PACRG: variants seen among roughly 807,000 people sequenced by gnomAD.
PACRG encodes the protein parkin coregulated, also known as parkin coregulated gene protein.
PACRG carries 29 observed loss-of-function variants against 29.7 expected under a neutral mutation model. The observed-to-expected ratio is 0.98, with a 90% CI of 0.73 to 1.33. The LOEUF is 1.33. Among genes scored for constraint, PACRG ranks in the 40% most tolerant of loss-of-function variants. The pLI is 0.00. For missense variants in PACRG, 279 were observed against 316.2 expected (o/e 0.88, Z 0.89); for synonymous variants, 116 against 118.7 (o/e 0.98, Z 0.15).
chr6:163,269,752 G>A (rs1783663376), intron 4 of PACRG, among the ~76,000 whole-genome samples: 1 of 78,982 alleles, frequency 1.3e-5, no homozygotes, highest in South Asian at 3.9e-4. Context: ...AAAGAAGAAA[G>A]AGAGAGAGAG....
intron 2 of PACRG, among the ~76,000 whole-genome samples, chr6:163,039,665 T>C (rs1404382539): frequency 1.3e-5 from 2 of 152,172 alleles, no homozygotes; most frequent in African/African-American, 4.8e-5. Flanking sequence ...ACTGGCAGCA[T>C]TTTGCCCCTG....
At chr6:162,731,236 T>G (rs1486734824) in intron 1 of PACRG, among the ~76,000 whole-genome samples, 1 of 152,166 alleles carries the variant, frequency 6.6e-6, no homozygotes, top group Non-Finnish European at 1.5e-5. Flanking sequence ...AAAACTCTTT[T>G]GAGCATTTTG....
chr6:162,762,132 A>G (rs1461316236), intron 1 of PACRG, among the ~76,000 whole-genome samples: 2 of 152,116 alleles, frequency 1.3e-5, no homozygotes, highest in African/African-American at 2.4e-5. Context: ...TAGGTTCTCA[A>G]TAAATAATAA....
At chr6:162,946,847 A>G (rs965967577) in intron 2 of PACRG, among the ~76,000 whole-genome samples, 2 of 152,190 alleles carry the variant, frequency 1.3e-5, no homozygotes, top group East Asian at 1.9e-4. Flanking sequence ...AACATGATAC[A>G]TCAAATCAAC....
intron 4 of PACRG, among the ~76,000 whole-genome samples, chr6:163,161,887 G>A (rs1778571445): frequency 2.0e-5 from 3 of 152,180 alleles, no homozygotes. Flanking sequence ...GATTGAAATT[G>A]TAGGCATGTG....
At chr6:162,915,568 G>A (rs141384817) in intron 2 of PACRG, among the ~76,000 whole-genome samples, 64 of 151,936 alleles carry the variant, frequency 4.2e-4, no homozygotes, top group African/African-American at 1.4e-3. Flanking sequence ...TTTATTATGC[G>A]TTTTCTCTTT....
intron 1 of PACRG, among the ~76,000 whole-genome samples, chr6:162,763,381 T>C (rs1365132302): frequency 6.6e-6 from 1 of 152,212 alleles, no homozygotes; most frequent in Non-Finnish European, 1.5e-5. Flanking sequence ...GGCTCTGATA[T>C]AAAACCTAAT....
At chr6:163,177,737 T>TTTTTTTTTTTTTTTGG (rs1779447560) in intron 4 of PACRG, among the ~76,000 whole-genome samples, 1 of 141,880 alleles carries the variant, frequency 7.0e-6, no homozygotes, top group South Asian at 2.3e-4. Flanking sequence ...TTTTTTTTTT[T>TTTTTTTTTTTTTTTGG]GCGGGTGGGA....
intron 2 of PACRG, among the ~76,000 whole-genome samples, chr6:162,936,177 A>G (rs1798221273): frequency 6.6e-6 from 1 of 152,152 alleles, no homozygotes; most frequent in African/African-American, 2.4e-5. Context: ...ATTCACTACC[A>G]TGAAAACAGT....
At chr6:163,007,017 T>A (rs1476369909) in intron 2 of PACRG, among the ~76,000 whole-genome samples, 1 of 152,104 alleles carries the variant, frequency 6.6e-6, no homozygotes, top group Admixed American at 6.5e-5. Flanking sequence ...TTTGTTAAAA[T>A]CTTCTGTTGG....
intron 2 of PACRG, among the ~76,000 whole-genome samples, chr6:162,816,346 TTTTTA>T (rs1002959215): frequency 1.3e-5 from 2 of 152,088 alleles, no homozygotes; most frequent in African/African-American, 2.4e-5. Flanking sequence ...TTAAGATTAT[TTTTTA>T]TTTTATTTAT....
chr6:163,281,106 G>A (rs879576965), intron 4 of PACRG, among the ~76,000 whole-genome samples: 2 of 152,074 alleles, frequency 1.3e-5, no homozygotes, highest in Non-Finnish European at 2.9e-5. Flanking sequence ...AGAAGCCAGT[G>A]CAAGCACAAG....
intron 1 of PACRG, among the ~76,000 whole-genome samples, chr6:162,768,465 CATT>C (rs972137853): frequency 2.6e-5 from 4 of 151,936 alleles, no homozygotes; most frequent in African/African-American, 4.8e-5. Context: ...ACATTAGAAA[CATT>C]ATTTATTGCA....
chr6:162,876,762 T>C (rs1793389524), intron 2 of PACRG, among the ~76,000 whole-genome samples: 1 of 152,222 alleles, frequency 6.6e-6, no homozygotes, highest in Admixed American at 6.5e-5. Flanking sequence ...GCTTTTGGTG[T>C]TTTAGTCATG....
chr6:163,162,650 G>A (rs1778605923), intron 4 of PACRG, among the ~76,000 whole-genome samples: 1 of 152,194 alleles, frequency 6.6e-6, no homozygotes, highest in Admixed American at 6.5e-5. Context: ...GACCTGCAAG[G>A]ATTCAAGTGT....
At chr6:162,857,929 G>C (rs1791542078) in intron 2 of PACRG, among the ~76,000 whole-genome samples, 1 of 152,048 alleles carries the variant, frequency 6.6e-6, no homozygotes, top group Non-Finnish European at 1.5e-5. Context: ...TTGACAGAAG[G>C]CTTTTAAAAA....
intron 2 of PACRG, among the ~76,000 whole-genome samples, chr6:162,921,074 C>G (rs1584759933): frequency 1.3e-5 from 2 of 152,310 alleles, no homozygotes; most frequent in South Asian, 4.1e-4. Flanking sequence ...CAATAATTAG[C>G]TGAACTACAA....
At chr6:162,964,771 A>C (rs1284391116) in intron 2 of PACRG, among the ~76,000 whole-genome samples, 2 of 152,210 alleles carry the variant, frequency 1.3e-5, no homozygotes, top group Admixed American at 1.3e-4. Context: ...TCCTGAGCTA[A>C]GATTAGGAAG....
intron 1 of PACRG, among the ~76,000 whole-genome samples, chr6:162,730,409 C>A (rs1779670822): frequency 6.6e-6 from 1 of 152,034 alleles, no homozygotes; most frequent in Non-Finnish European, 1.5e-5. Context: ...CAACCTCATG[C>A]TCCAAGAGCC....
Sources: gnomAD v4.1 joint callset for allele counts (sites outside exome capture counted in the v4.1 genomes callset) on GRCh38, gnomAD v4.1.1 for gene constraint, MANE v1.5 for transcripts, NCBI Gene and HGNC (gene_info 2026-07-23, HGNC 2026-07-21) for gene names.